PLCH2: variants seen among roughly 807,000 people sequenced by gnomAD.
PLCH2 encodes 1-phosphatidylinositol 4,5-bisphosphate phosphodiesterase eta-2.
Under a neutral mutation model 134.7 loss-of-function variants are expected in PLCH2, and 98 were observed. The ratio of observed to expected loss-of-function variants is 0.73; its 90% CI spans 0.62 to 0.86. The LOEUF (loss-of-function observed/expected upper bound fraction) is 0.86, where lower values mean the gene tolerates loss of function less well. Among genes scored for constraint, PLCH2 ranks in the 40% least tolerant of loss-of-function variants. PLCH2 has a pLI of 0.00. For synonymous variants in PLCH2, 974 were observed against 827.5 expected (o/e 1.18, Z -3.04); for missense variants, 1,994 against 1,986.6 (o/e 1.00, Z -0.07).
chr1:2,485,789 T>C (rs766969197), intron 5 of PLCH2, among the ~76,000 whole-genome samples: 11 of 152,050 alleles, frequency 7.2e-5, no homozygotes, highest in Non-Finnish European at 1.6e-4. Flanking sequence ...GCCTTGGGAA[T>C]CCCAGGTAGG....
intron 2 of PLCH2, among the ~76,000 whole-genome samples, chr1:2,457,027 G>A (rs1222356230): frequency 6.6e-6 from 1 of 152,212 alleles, no homozygotes; most frequent in African/African-American, 2.4e-5. Flanking sequence ...AGGGGCAAGA[G>A]CCACCTACCT....
rs1370649424 is a variant in PLCH2 at position 2,444,099 on chromosome 1, G to C, written c.115+13470G>C. The stretch of plus-strand genomic sequence containing the variant: ...GCTTCAGACTCGGGAGCGGAGGCTC[G>C]GATCGCGGTGGCACGGGCAGGGGTG... On this transcript the variant is annotated intron_variant, in intron 2 of 3. Coordinates refer to the PLCH2 transcript ENST00000609981. The surrounding 1 kb of genome is among the most constrained non-coding windows in gnomAD (Gnocchi z 4.6). 6.6e-6 allele frequency among the ~76,000 whole-genome samples: 1 copy of C among 152,214 alleles called. No homozygotes were observed. The highest frequency in any genetic ancestry group is 2.4e-5 in the African/African-American group (1 of 41,468).
At chr1:2,479,391 G>T (rs542612070) in intron 2 of PLCH2, 2 of 231,904 alleles carry the variant, frequency 8.6e-6, no homozygotes, top group Non-Finnish European at 1.7e-5. Context: ...GAGGTGTCCA[G>T]GGGCTTCCTT....
chr1:2,502,793 T>TC (rs753787561), intron 21 of PLCH2: 13 of 715,796 alleles, frequency 1.8e-5, no homozygotes, highest in Admixed American at 4.0e-5. Context: ...CCCCGAAAGG[T>TC]CCCCCCGCTG....
At chr1:2,496,568 C>A in intron 13 of PLCH2, 39 bp from the exon 14 acceptor site, 1 of 1,553,366 alleles carries the variant, frequency 6.4e-7, no homozygotes, top group Non-Finnish European at 8.8e-7. Context: ...CAGGCTGGCC[C>A]TGGACGGGAG....
chr1:2,465,882 G>A (rs1026464065), upstream of PLCH2, among the ~76,000 whole-genome samples: 3 of 152,046 alleles, frequency 2.0e-5, no homozygotes, highest in South Asian at 2.1e-4. Flanking sequence ...GCTGGGTCGG[G>A]ACCTGCAGCC....
chr1:2,482,528 G>A (rs936183126), intron 4 of PLCH2, among the ~76,000 whole-genome samples: 3 of 152,234 alleles, frequency 2.0e-5, no homozygotes, highest in African/African-American at 7.2e-5. Flanking sequence ...GGCCCTTCAT[G>A]CCACGCTGGC....
intron 4 of PLCH2, among the ~76,000 whole-genome samples, chr1:2,480,724 G>T (rs1425649373): frequency 6.6e-6 from 1 of 152,238 alleles, no homozygotes; most frequent in African/African-American, 2.4e-5. Context: ...ATGCGCAGCA[G>T]CTCGTTACTT....
the PLCH2 span, among the ~76,000 whole-genome samples, chr1:2,418,150 C>T: frequency 1.4e-3 from 218 of 152,340 alleles, no homozygotes; most frequent in Non-Finnish European, 2.5e-3. Flanking sequence ...CAGGTGCCCC[C>T]GAGAATTCCG....
intron 13 of PLCH2, among the ~76,000 whole-genome samples, chr1:2,496,146 C>T (rs941706504): frequency 6.6e-6 from 1 of 152,210 alleles, no homozygotes; most frequent in Admixed American, 6.5e-5. Flanking sequence ...GGGCACAGCC[C>T]CCTCCTGTCT....
At chr1:2,430,915 G>T (rs1395359873) in intron 2 of PLCH2, among the ~76,000 whole-genome samples, 1 of 152,202 alleles carries the variant, frequency 6.6e-6, no homozygotes, top group Non-Finnish European at 1.5e-5. Context: ...ATGGCTCTCT[G>T]CCCACCTGCT....
At chr1:2,497,972 G>T (rs1038171437) in intron 16 of PLCH2, 2 of 283,192 alleles carry the variant, frequency 7.1e-6, no homozygotes, top group Non-Finnish European at 1.3e-5. Context: ...TCTGGGCTGG[G>T]TGTTTGGAGG....
Position 2,498,390 on chromosome 1 carries a change from C to T in PLCH2, c.2225-133C>T. The T allele has an allele frequency of 9.9e-7, 1 of 1,010,042 alleles. No individual in the cohort carries two copies. The highest frequency in any genetic ancestry group is 1.4e-6 in the Non-Finnish European group (1 of 699,402). 62.6% of individuals were successfully genotyped at this position (1,010,042 alleles called of 1,614,324 possible). ...GAGGTGCCCCCCTGGACCACTGCCTCCCTCCCTCCCCCTGGCACCGGCTCC... is the reference window on the plus strand; with the variant it reads ...GAGGTGCCCCCCTGGACCACTGCCTTCCTCCCTCCCCCTGGCACCGGCTCC... On this transcript the variant is annotated intron_variant, in intron 16 of 21. Coordinates refer to ENST00000378486, the MANE Select transcript of PLCH2 (RefSeq NM_014638.4). This position sits in a 1 kb window ranked among gnomAD's most constrained non-coding sequence, Gnocchi z 5.4.
chr1:2,499,323 G>A (rs1260850095), intron 19 of PLCH2, 93 bp downstream of exon 19: 6 of 1,433,592 alleles, frequency 4.2e-6, no homozygotes, highest in Non-Finnish European at 5.7e-6. Context: ...GCCTGTGTAG[G>A]TGGGCCTGCA....
chr1:2,437,299 C>T (rs1639469846), intron 2 of PLCH2, among the ~76,000 whole-genome samples: 1 of 152,124 alleles, frequency 6.6e-6, no homozygotes, highest in South Asian at 2.1e-4. Context: ...TCCAGAGGCC[C>T]CCACATTCTC....
At chr1:2,420,304 C>T in the PLCH2 span, among the ~76,000 whole-genome samples, 1 of 152,192 alleles carries the variant, frequency 6.6e-6, no homozygotes, top group South Asian at 2.1e-4. Context: ...CTTTCAGCCC[C>T]CTGCCCTGTG....
chr1:2,505,136 G>A lies in PLCH2; in HGVS notation c.4174G>A (p.Asp1392Asn). 1 of 1,558,158 alleles carries A rather than the reference G, an allele frequency of 6.4e-7. No individual in the cohort carries two copies. Among genetic ancestry groups the A allele is most frequent in the Non-Finnish European group, 8.6e-7 (1 of 1,161,406 alleles). Reference protein sequence around the residue: ...ACSVGHEGSVDAPAPSKGALG... With the variant: ...ACSVGHEGSVNAPAPSKGALG... ...CTCCGTGGGCCACGAGGGCAGTGTG[G>A]ATGCACCAGCACCCTCCAAGGGAGC... The change falls in exon 22 of 22, where the codon GAT becomes AAT. Residue 1392 changes from aspartate (D) to asparagine (N), a missense_variant. Asp to Asn is a conservative substitution (Grantham distance 23). Transcript: ENST00000378486.
chr1:2,465,384 G>C (rs1486342759), upstream of PLCH2, among the ~76,000 whole-genome samples: 2 of 152,200 alleles, frequency 1.3e-5, no homozygotes, highest in African/African-American at 4.8e-5. Flanking sequence ...TCCACCCTCC[G>C]GCCAAGGCAG....
chr1:2,496,122 C>T (rs908933798), intron 13 of PLCH2, among the ~76,000 whole-genome samples: 3 of 152,154 alleles, frequency 2.0e-5, no homozygotes, highest in African/African-American at 2.4e-5. Context: ...ATGGTTCCTC[C>T]GTGCCCCTCG....
Sources: gnomAD v4.1 joint callset for allele counts (sites outside exome capture counted in the v4.1 genomes callset) on GRCh38, gnomAD v4.1.1 for gene constraint, Gnocchi (gnomAD v3.1) non-coding constraint, MANE v1.5 for transcripts, NCBI Gene and HGNC (gene_info 2026-07-23, HGNC 2026-07-21) for gene names.